GFRA2: variants seen among roughly 807,000 people sequenced by gnomAD.
The protein encoded by GFRA2 is GDNF family receptor alpha-2.
GFRA2 carries 17 observed loss-of-function variants against 48.3 expected under a neutral mutation model. That is an observed-to-expected ratio of 0.35 (90% CI 0.24 to 0.53). The LOEUF is 0.53. Ranked by LOEUF, GFRA2 falls within the 20% of genes least tolerant of loss-of-function variation. The pLI, the probability that GFRA2 is intolerant of heterozygous loss-of-function variation, is 0.93. For missense variants in GFRA2, 660 were observed against 637.3 expected (o/e 1.04, Z -0.38); for synonymous variants, 305 against 257.2 (o/e 1.19, Z -1.78).
intron 1 of GFRA2, among the ~76,000 whole-genome samples, chr8:21,810,337 G>C (rs543157184): frequency 6.6e-6 from 1 of 152,136 alleles, no homozygotes; most frequent in Non-Finnish European, 1.5e-5. Flanking sequence ...GCTTGGGGGA[G>C]GTCAGCCTCC....
At chr8:21,704,188 G>A (rs1370135918) in intron 6 of GFRA2, among the ~76,000 whole-genome samples, 1 of 152,216 alleles carries the variant, frequency 6.6e-6, no homozygotes, top group Non-Finnish European at 1.5e-5. Context: ...GGACTGGCAG[G>A]CGCCCCCTGC....
intron 4 of GFRA2, among the ~76,000 whole-genome samples, chr8:21,719,989 C>A (rs1803517334): frequency 6.6e-6 from 1 of 152,156 alleles, no homozygotes; most frequent in Non-Finnish European, 1.5e-5. Context: ...ATTCTGAAGA[C>A]CTCCTACTCA....
intron 3 of GFRA2, among the ~76,000 whole-genome samples, chr8:21,757,255 G>A (rs1008914745): frequency 9.9e-5 from 15 of 152,252 alleles, no homozygotes; most frequent in African/African-American, 3.6e-4. Context: ...AGCCTCTCCT[G>A]TTAATTCCTG....
At chr8:21,716,301 A>C (rs1276704617) in intron 4 of GFRA2, among the ~76,000 whole-genome samples, 1 of 80,590 alleles carries the variant, frequency 1.2e-5, no homozygotes, top group Non-Finnish European at 2.7e-5. Context: ...CCAGCCTGGG[A>C]AACAAAGAAA....
intron 4 of GFRA2, among the ~76,000 whole-genome samples, chr8:21,737,697 A>G (rs1325664675): frequency 3.3e-5 from 5 of 151,824 alleles, no homozygotes; most frequent in Admixed American, 2.6e-4. Flanking sequence ...CCTCCGCCCA[A>G]GACAGCCTCC....
chr8:21,729,152 G>C (rs112433892), intron 4 of GFRA2, among the ~76,000 whole-genome samples: 1 of 152,120 alleles, frequency 6.6e-6, no homozygotes, highest in African/African-American at 2.4e-5. Flanking sequence ...CCTGGTTCTG[G>C]CTGAGCTGTG....
intron 4 of GFRA2, among the ~76,000 whole-genome samples, chr8:21,721,382 T>C (rs1048454322): frequency 5.3e-5 from 8 of 152,168 alleles, no homozygotes; most frequent in African/African-American, 1.9e-4. Context: ...CACACATCCT[T>C]AAGCACCACT....
intron 4 of GFRA2, among the ~76,000 whole-genome samples, chr8:21,728,556 T>G (rs1355435282): frequency 6.6e-6 from 1 of 152,124 alleles, no homozygotes; most frequent in Non-Finnish European, 1.5e-5. Flanking sequence ...AGTATATGAA[T>G]GAGCCACGGC....
chr8:21,700,479 C>T (rs1034063815), intron 7 of GFRA2, among the ~76,000 whole-genome samples: 1 of 152,202 alleles, frequency 6.6e-6, no homozygotes, highest in African/African-American at 2.4e-5. Flanking sequence ...AACAGCCCCA[C>T]TCCCACCGTG....
intron 3 of GFRA2, among the ~76,000 whole-genome samples, chr8:21,769,611 C>A (rs1473320811): frequency 6.6e-6 from 1 of 152,186 alleles, no homozygotes; most frequent in Non-Finnish European, 1.5e-5. Flanking sequence ...AGTTCACATT[C>A]CAGCCGTGAT....
At chr8:21,711,991 G>T (rs1351068384) in intron 4 of GFRA2, among the ~76,000 whole-genome samples, 1 of 152,212 alleles carries the variant, frequency 6.6e-6, no homozygotes, top group Admixed American at 6.5e-5. Flanking sequence ...AGAGCACAGG[G>T]TTGGGGGTAA....
chr8:21,780,643 C>T (rs1806938916), intron 2 of GFRA2, among the ~76,000 whole-genome samples: 1 of 152,122 alleles, frequency 6.6e-6, no homozygotes, highest in Non-Finnish European at 1.5e-5. Flanking sequence ...GCCATGGGCC[C>T]CAAAACAGAT....
intron 3 of GFRA2, among the ~76,000 whole-genome samples, chr8:21,770,224 T>G (rs935763759): frequency 1.3e-5 from 2 of 152,144 alleles, no homozygotes; most frequent in Non-Finnish European, 2.9e-5. Context: ...CACACACAGT[T>G]TCTAGAATGC....
At chr8:21,758,479 G>A (rs1366680135) in intron 3 of GFRA2, among the ~76,000 whole-genome samples, 2 of 152,028 alleles carry the variant, frequency 1.3e-5, no homozygotes, top group African/African-American at 2.4e-5. Flanking sequence ...CCAGGAAACT[G>A]CCCCTCATCC....
chr8:21,755,374 C>A (rs1184137495), intron 3 of GFRA2, among the ~76,000 whole-genome samples: 2 of 152,028 alleles, frequency 1.3e-5, no homozygotes, highest in Non-Finnish European at 2.9e-5. Context: ...GAACCTAAAA[C>A]CACTCTTAAA....
In GFRA2 at chr8:21,706,818, G is replaced by A. The variant is rs141909881; in HGVS notation, c.795-777C>T. On this transcript the variant is annotated intron_variant, in intron 4 of 8. Coordinates refer to ENST00000524240, the MANE Select transcript of GFRA2 (RefSeq NM_001495.5). The stretch of plus-strand genomic sequence containing the variant: ...CCACTTGAAGGCAGACAGTGTCTGA[G>A]CTGGGTCTGTCCCCAGCCCTCAGCT... 3.1e-3 allele frequency among the ~76,000 whole-genome samples: 474 copies of A among 152,358 alleles called. 2 individuals carry two copies. Among genetic ancestry groups the A allele is most frequent in the African/African-American group, 0.011 (460 of 41,580 alleles).
At chr8:21,725,630 G>C (rs1479809439) in intron 4 of GFRA2, among the ~76,000 whole-genome samples, 1 of 152,170 alleles carries the variant, frequency 6.6e-6, no homozygotes, top group African/African-American at 2.4e-5. Flanking sequence ...AAAAGCATTA[G>C]TGCATTTAAT....
intron 4 of GFRA2, among the ~76,000 whole-genome samples, chr8:21,708,043 G>T (rs933411332): frequency 6.6e-6 from 1 of 152,202 alleles, no homozygotes; most frequent in East Asian, 1.9e-4. Flanking sequence ...GAGTAGCAGA[G>T]CCAAGACTCA....
chr8:21,750,071 ATG>A lies in GFRA2; in HGVS notation c.794+515_794+516del, dbSNP rs148033575. Reference sequence around the variant, plus strand: ...TATGTAAGTATATATATGTGTATATATGTGTGTGTGTGTGTATACACACACAC... The same window carrying A: ...TATGTAAGTATATATATGTGTATATATGTGTGTGTGTGTATACACACACAC... On this transcript the variant is annotated intron_variant, in intron 4 of 8. Coordinates refer to ENST00000524240, the MANE Select transcript of GFRA2 (RefSeq NM_001495.5). The surrounding 1 kb of genome is among the most constrained non-coding windows in gnomAD (Gnocchi z 5.7). 0.25 allele frequency among the ~76,000 whole-genome samples: 38,032 copies of A among 149,606 alleles called. 5,510 individuals are homozygous for A. The highest frequency in any genetic ancestry group is 0.4 in the African/African-American group (16,001 of 40,486).
Sources: gnomAD v4.1 joint callset for allele counts (sites outside exome capture counted in the v4.1 genomes callset) on GRCh38, gnomAD v4.1.1 for gene constraint, Gnocchi (gnomAD v3.1) non-coding constraint, MANE v1.5 for transcripts, NCBI Gene and HGNC (gene_info 2026-07-23, HGNC 2026-07-21) for gene names.